The following FBN3 variants were observed in gnomAD, a reference collection of about 807,000 sequenced individuals.
FBN3 encodes fibrillin-3.
Under a neutral mutation model 330.1 loss-of-function variants are expected in FBN3, and 234 were observed. The ratio of observed to expected loss-of-function variants is 0.71; its 90% confidence interval spans 0.64 to 0.79. The LOEUF (loss-of-function observed/expected upper bound fraction) is 0.79, where lower values mean the gene tolerates loss of function less well. Among genes scored for constraint, FBN3 ranks in the 30% least tolerant of loss-of-function variants. The pLI is 0.00. For synonymous variants in FBN3, 1,458 were observed against 1,517.3 expected (o/e 0.96, Z 0.91); for missense variants, 3,606 against 3,886.9 (o/e 0.93, Z 1.92).
chr19:8,095,579 C>T, intron 45 of FBN3, 76 bp from the exon 46 acceptor site: 1 of 1,521,552 alleles, frequency 6.6e-7, no homozygotes. Context: ...CTTCTGTCCA[C>T]AACTGAGTTG....
At position 8,129,860 on chromosome 19, in the gene FBN3, C is replaced by A. The variant is rs2083083310; in HGVS notation, c.2045-495G>T. ...ATTGCTTGAGCCCAGGAGTTTGAGA[C>A]CAGCCTGGGCAACATAGCGAGACCC... is the stretch of plus-strand genomic sequence containing the variant. On this transcript the variant is annotated intron_variant, in intron 16 of 63. Transcript: ENST00000600128. The surrounding 1 kb of genome is among the most constrained non-coding windows in gnomAD (Gnocchi z 4.5). Among the ~76,000 whole-genome samples, 1 of 151,912 alleles carries A rather than the reference C, an allele frequency of 6.6e-6. No individual in the cohort carries two copies. The highest frequency in any genetic ancestry group is 1.5e-5 in the Non-Finnish European group (1 of 67,986).
chr19:8,100,874 G>T, intron 41 of FBN3, 27 bp downstream of exon 41: 1 of 1,603,262 alleles, frequency 6.2e-7, no homozygotes. Flanking sequence ...TGGGTGCCCA[G>T]GGATAGAGCA....
In FBN3 at chr19:8,091,551, A is replaced by G. The variant is rs528553651; in HGVS notation, c.5945T>C (p.Phe1982Ser). The G allele has an allele frequency of 1.4e-5, 23 of 1,614,194 alleles. No homozygotes were observed. In the South Asian group the frequency reaches 2.1e-4, roughly 15 times the overall value. The change falls in exon 48 of 64, where the codon TTT becomes TCT. Residue 1982 changes from phenylalanine (F) to serine (S), a missense_variant. Physicochemically the swap from Phe to Ser is radical, Grantham distance 155 (BLOSUM62 -2). Coordinates refer to ENST00000600128, the MANE Select transcript of FBN3 (RefSeq NM_032447.5). ...CCCAGGGCTGTTGGTACAGGTGCCA[A>G]AGAGGCAGAGGTTGGGCTCCTCTGA... The part of the protein sequence containing the change: ...ECSEEPNLCL[F>S]GTCTNSPGSF...
intron 6 of FBN3, among the ~76,000 whole-genome samples, chr19:8,142,757 C>T (rs2083443246): frequency 6.6e-6 from 1 of 151,942 alleles, no homozygotes; most frequent in Non-Finnish European, 1.5e-5. Flanking sequence ...CCAAACTCAC[C>T]CCCAACTCAG....
In FBN3 at chr19:8,096,125, T is replaced by C. The variant is rs745566662; in HGVS notation, c.5540-45A>G. On this transcript the variant is annotated intron_variant, in intron 44 of 63. Transcript: ENST00000600128. This position sits in a 1 kb window ranked among gnomAD's most constrained non-coding sequence, Gnocchi z 4.6. ...AGCCCAACCCAGCTCACCCAGGGCA[T>C]TGGGGAACTTGGGGAGTGAGAGGCC... 64 of 1,416,652 alleles carry C rather than the reference T, an allele frequency of 4.5e-5. No individual in the cohort carries two copies. The highest frequency in any genetic ancestry group is 3.9e-4 in the African/African-American group (28 of 71,212). 87.8% of individuals were successfully genotyped at this position (1,416,652 alleles called of 1,614,324 possible). A position where few individuals can be genotyped will look rare whatever the true frequency, so the allele number is the denominator to read the frequency against.
Position 8,121,521 on chromosome 19 carries a change from A to C in FBN3, c.3083-135T>G. 2 of 816,876 alleles carry C rather than the reference A, an allele frequency of 2.4e-6. No homozygotes were observed. The highest frequency in any genetic ancestry group is 3.6e-6 in the Non-Finnish European group (2 of 554,030). The allele number at this position is 816,876 out of a possible 1,614,324, so 50.6% of individuals were successfully genotyped here. A position where few individuals can be genotyped will look rare whatever the true frequency, so the allele number is the denominator to read the frequency against. ...CTGCAGACATAAGGAGGCACAGGCC[A>C]AGAGGGGAGGCATGATGCAGGCATG... On this transcript the variant is annotated intron_variant, in intron 24 of 63. Transcript: ENST00000600128. The surrounding 1 kb of genome is among the most constrained non-coding windows in gnomAD (Gnocchi z 4.5).
At chr19:8,126,176 C>T in intron 21 of FBN3, 121 bp downstream of exon 21, 9 of 1,412,234 alleles carry the variant, frequency 6.4e-6, no homozygotes, top group South Asian at 1.2e-5. Flanking sequence ...GTAGGGAGAA[C>T]GTCTGTCCCC....
intron 61 of FBN3, 60 bp from the exon 62 acceptor site, chr19:8,073,357 AC>A: frequency 7.3e-7 from 1 of 1,367,144 alleles, no homozygotes; most frequent in Non-Finnish European, 1.0e-6. Flanking sequence ...CAGCCTTCAC[AC>A]CCCCAGAGCC....
At chr19:8,081,706 C>T (rs1165285019) in intron 57 of FBN3, among the ~76,000 whole-genome samples, 1 of 152,152 alleles carries the variant, frequency 6.6e-6, no homozygotes. Flanking sequence ...GCAAAGCAGC[C>T]ATTGAGGGTA....
chr19:8,147,810 G>A, intron 1 of FBN3: 1 of 247,768 alleles, frequency 4.0e-6, no homozygotes, highest in Non-Finnish European at 7.7e-6. Context: ...AGTGGGCATA[G>A]CAGTGTCATG....
Position 8,109,592 on chromosome 19 carries a change from G to T in FBN3, c.4456+39C>A. The T allele has an allele frequency of 6.4e-7, 1 of 1,567,056 alleles. No individual in the cohort carries two copies. Among genetic ancestry groups the T allele is most frequent in the South Asian group, 1.2e-5 (1 of 83,536 alleles). On this transcript the variant is annotated intron_variant, in intron 35 of 63. Coordinates refer to ENST00000600128, the MANE Select transcript of FBN3 (RefSeq NM_032447.5). This position sits in a 1 kb window ranked among gnomAD's most constrained non-coding sequence, Gnocchi z 5.2. ...TGGGGCAATCCCACCCACCTCTGCTGACCCCAGAACCCTGATCTGGAGTTG... is the reference window on the plus strand; with the variant it reads ...TGGGGCAATCCCACCCACCTCTGCTTACCCCAGAACCCTGATCTGGAGTTG...
At position 8,115,524 on chromosome 19, in the gene FBN3, C is replaced by T; in HGVS notation, c.3829G>A (p.Gly1277Ser). The change falls in exon 30 of 64, where the codon GGC becomes AGC. Residue 1277 changes from glycine to serine, a missense_variant. By Grantham distance (56) the Gly-to-Ser change is moderately conservative (BLOSUM62 0). Coordinates refer to ENST00000600128, the MANE Select transcript of FBN3 (RefSeq NM_032447.5). ...LGYMVRKGATGCSDVDECEVG... is the reference protein window; with the variant it reads ...LGYMVRKGATSCSDVDECEVG... Reference sequence around the variant, plus strand: ...CTGACCGCCGGCTCACCAGAGCAGCCTGTGGCCCCCTTCCTGACCATGTAG... The same window carrying T: ...CTGACCGCCGGCTCACCAGAGCAGCTTGTGGCCCCCTTCCTGACCATGTAG... 6.2e-7 allele frequency: 1 copy of T among 1,613,918 alleles called. No individual in the cohort carries two copies.
rs201272966 is a variant in FBN3, at chr19:8,118,986, C to T, written c.3248G>A (p.Arg1083Gln). Residue 1083 changes from arginine (R) to glutamine (Q), a missense_variant, in exon 26 of 64, where the codon CGG becomes CAG. Transcript: ENST00000600128. ...ATCCGTGTTGGTGCAAGTGCCTCCC[C>T]GGCAGAGCAGCGGGTCCCTTGCACA... is the stretch of plus-strand genomic sequence containing the variant. ...DECARDPLLC[R>Q]GGTCTNTDGS... The T allele has an allele frequency of 1.3e-5, 21 of 1,610,328 alleles. No individual in the cohort carries two copies. Among genetic ancestry groups the T allele is most frequent in the African/African-American group, 2.7e-5 (2 of 75,014 alleles).
At chr19:8,069,535 T>C (rs997828552) in intron 63 of FBN3, among the ~76,000 whole-genome samples, 1 of 152,156 alleles carries the variant, frequency 6.6e-6, no homozygotes, top group Non-Finnish European at 1.5e-5. Context: ...TTGTTAAGAC[T>C]TATGCTCTTA....
chr19:8,115,486 T>C, intron 30 of FBN3, 29 bp downstream of exon 30: 2 of 1,611,370 alleles, frequency 1.2e-6, no homozygotes, highest in Non-Finnish European at 1.7e-6. Context: ...GGGAGTCCCC[T>C]CTGCCTGCAC....
rs2081849678 is a variant in FBN3, at chr19:8,083,275, T to A, written c.7185A>T (p.Thr2395=). 2 of 1,613,974 alleles carry A rather than the reference T, an allele frequency of 1.2e-6. No homozygotes were observed. ...SFRCHCQAGY[T]PDATATTCLD... ...GGCAGGTAGTAGCAGTAGCATCCGG[T>A]GTGTACCCGGCCTGACAGTGGCAGC... The change falls in exon 57 of 64, where the codon ACA becomes ACT. Residue 2395 remains threonine, a synonymous_variant. Transcript: ENST00000600128.
rs373519355 is a variant in FBN3 at position 8,134,259 on chromosome 19, A to AAATTAAATT, written c.1592-1154_1592-1153insAATTTAATT. ...TCCATCTCAAAATAAATAAATAAAT[A>AAATTAAATT]AAATAAATAAATGCATGAAATGCCA... On this transcript the variant is annotated intron_variant, in intron 13 of 63. Transcript: ENST00000600128. 9.6e-3 allele frequency among the ~76,000 whole-genome samples: 1,299 copies of AAATTAAATT among 135,780 alleles called. 9 individuals are homozygous for AAATTAAATT. The highest frequency in any genetic ancestry group is 0.01 in the Non-Finnish European group (707 of 67,450). The allele number at this position is 135,780 out of a possible 152,430, so 89.1% of individuals were successfully genotyped here.
Position 8,126,450 on chromosome 19 carries a change from C to T in FBN3, c.2554+18G>A. 6.2e-7 allele frequency: 1 copy of T among 1,607,246 alleles called. No individual in the cohort carries two copies. Among genetic ancestry groups the T allele is most frequent in the African/African-American group, 1.3e-5 (1 of 74,958 alleles). ...GCTTTTCCCATGGGTGCCTGGGAGG[C>T]CTCAAGGAGGATACTACCGATCTCG... On this transcript the variant is annotated intron_variant, in intron 20 of 63. Coordinates refer to ENST00000600128, the MANE Select transcript of FBN3 (RefSeq NM_032447.5).
At position 8,116,760 on chromosome 19, in the gene FBN3, T is replaced by G; in HGVS notation, c.3626A>C (p.Gln1209Pro). The part of the protein sequence containing the change: ...ECEENPRVCD[Q>P]GHCTNMPGGH... ...CCCTGGCATGTTGGTGCAGTGGCCT[T>G]GGTCACAAACGCGGGGGTTCTCTTC... Residue 1209 changes from glutamine to proline, a missense_variant, in exon 29 of 64, where the codon CAA becomes CCA. Transcript: ENST00000600128. The G allele has an allele frequency of 6.2e-7, 1 of 1,614,078 alleles. No individual in the cohort carries two copies.
Sources: gnomAD v4.1 joint callset for allele counts (sites outside exome capture counted in the v4.1 genomes callset) on GRCh38, gnomAD v4.1.1 for gene constraint, Gnocchi (gnomAD v3.1) non-coding constraint, MANE v1.5 for transcripts, NCBI Gene and HGNC (gene_info 2026-07-23, HGNC 2026-07-21) for gene names.